Variants in MN1 observed in about 807,000 individuals in gnomAD.
MN1 encodes the protein MN1 proto-oncogene, transcriptional regulator, also known as transcriptional activator MN1.
In MN1, 19 loss-of-function variants were observed where a neutral mutation model predicts 86.9. That is an observed-to-expected ratio of 0.22 (90% confidence interval 0.15 to 0.32). The LOEUF (loss-of-function observed/expected upper bound fraction) is 0.32, where lower values mean the gene tolerates loss of function less well. Among genes scored for constraint, MN1 ranks in the 10% least tolerant of loss-of-function variants. The probability of loss-of-function intolerance (pLI) is 1.00; values close to 1 mark genes in which losing one functional copy is unlikely to be tolerated. For missense variants in MN1, 1,841 were observed against 1,862.0 expected, an observed-to-expected ratio of 0.99 and a Z score of 0.21; for synonymous variants, 928 against 849.6, an observed-to-expected ratio of 1.09 and a Z score of -1.60.
chr22:27,769,590 TCACCCAGGC>T (rs1932898008), intron 1 of MN1, among the ~76,000 whole-genome samples: 2 of 94,624 alleles, frequency 2.1e-5, no homozygotes, highest in African/African-American at 8.9e-5. Flanking sequence ...TCTCGCTCTG[TCACCCAGGC>T]TGGAGTGCAG....
chr22:27,780,854 A>C (rs1323223470), intron 1 of MN1, among the ~76,000 whole-genome samples: 1 of 152,222 alleles, frequency 6.6e-6, no homozygotes, highest in East Asian at 1.9e-4. Context: ...CATGTGGTTA[A>C]GTGCTTGGGA....
chr22:27,765,694 G>T (rs1932864544), intron 1 of MN1, among the ~76,000 whole-genome samples: 1 of 152,162 alleles, frequency 6.6e-6, no homozygotes, highest in Non-Finnish European at 1.5e-5. Context: ...CACTGACCCG[G>T]GTCTGGCCCA....
rs752404759 is a variant in MN1 at position 27,750,999 on chromosome 22, C to T, written c.3879G>A (p.Lys1293=). 2 of 1,613,088 alleles carry T rather than the reference C, an allele frequency of 1.2e-6. No individual in the cohort carries two copies. The highest frequency in any genetic ancestry group is 3.3e-5 in the Admixed American group (2 of 59,800). Residue 1293 remains lysine, a synonymous_variant, in exon 2 of 2, where the codon AAG becomes AAA. Coordinates refer to ENST00000302326, the MANE Select transcript of MN1 (RefSeq NM_002430.3). ...VHCTDDVGDA[K]ARASVPTWRS... ...GCCAGGTGGGCACGGAGGCTCGAGC[C>T]TTGGCGTCACCCACGTCGTCTGTGC... is the stretch of plus-strand genomic sequence containing the variant.
intron 1 of MN1, among the ~76,000 whole-genome samples, chr22:27,790,431 G>C (rs930672290): frequency 7.2e-5 from 11 of 152,166 alleles, no homozygotes; most frequent in African/African-American, 2.4e-4. Flanking sequence ...CGGGCACAAT[G>C]TGCCAGGATC....
At chr22:27,752,821 C>T (rs1049810651) in intron 1 of MN1, among the ~76,000 whole-genome samples, 1 of 152,288 alleles carries the variant, frequency 6.6e-6, no homozygotes, top group African/African-American at 2.4e-5. Flanking sequence ...GGGTGGGGGG[C>T]TCTGCTCCAG....
intron 1 of MN1, among the ~76,000 whole-genome samples, chr22:27,766,645 G>T (rs1438437916): frequency 6.6e-6 from 1 of 152,178 alleles, no homozygotes; most frequent in Non-Finnish European, 1.5e-5. Context: ...AAGGGCAGAA[G>T]TCACAGCCCC....
chr22:27,765,158 C>T (rs116695686), intron 1 of MN1, among the ~76,000 whole-genome samples: 138 of 152,294 alleles, frequency 9.1e-4, no homozygotes, highest in African/African-American at 2.8e-3. Context: ...TGTGCTGACC[C>T]TTGAACCTGA....
rs2146316010 is a variant in MN1, at chr22:27,797,738, A to G, written c.2806T>C (p.Ser936Pro). 6.2e-7 allele frequency: 1 copy of G among 1,609,180 alleles called. No individual in the cohort carries two copies. The highest frequency in any genetic ancestry group is 8.5e-7 in the Non-Finnish European group (1 of 1,178,730). ...STSGNDGKPVSGGGGRGRGRR... is the reference protein window; with the variant it reads ...STSGNDGKPVPGGGGRGRGRR... The stretch of plus-strand genomic sequence containing the variant: ...CCCCGTCCCCGGCCGCCGCCCCCGG[A>G]GACCGGCTTGCCGTCATTCCCCGAC... The change falls in exon 1 of 2, where the codon TCC (serine) becomes CCC (proline). Residue 936 changes from serine to proline, a missense_variant. Transcript: ENST00000302326.
In MN1 at chr22:27,799,189, T is replaced by C. The variant is rs1279004620; in HGVS notation, c.1355A>G (p.Asn452Ser). The change falls in exon 1 of 2, where the codon AAC (asparagine) becomes AGC (serine). Residue 452 changes from asparagine to serine, a missense_variant. Asn to Ser is a conservative substitution (Grantham distance 46). Coordinates refer to ENST00000302326, the MANE Select transcript of MN1 (RefSeq NM_002430.3). ...GTCGAAGCGCGGCCTCTTGGCCACG[T>C]TCATGTAGGGGGGCGCGTCGAAATG... ...LQHFDAPPYM[N>S]VAKRPRFDFP... 1 of 1,606,800 alleles carries C rather than the reference T, an allele frequency of 6.2e-7. No homozygotes were observed.
At chr22:27,796,727 A>C in intron 1 of MN1, 36 bp downstream of exon 1, 580 of 1,436,180 alleles carry the variant, frequency 4.0e-4, no homozygotes, top group Non-Finnish European at 4.9e-4. Flanking sequence ...GGGGCGGGTC[A>C]CCCGGGAAGT....
At chr22:27,779,785 C>T (rs1933026520) in intron 1 of MN1, among the ~76,000 whole-genome samples, 1 of 152,184 alleles carries the variant, frequency 6.6e-6, no homozygotes, top group Admixed American at 6.5e-5. Context: ...GCCCAGGCCT[C>T]CACACCTCCT....
intron 1 of MN1, among the ~76,000 whole-genome samples, chr22:27,772,401 A>C (rs1396368806): frequency 6.6e-6 from 1 of 152,226 alleles, no homozygotes; most frequent in Non-Finnish European, 1.5e-5. Flanking sequence ...GTTGGGGTGG[A>C]AATAGAGCAG....
At chr22:27,769,400 C>A (rs1197262848) in intron 1 of MN1, among the ~76,000 whole-genome samples, 2 of 151,992 alleles carry the variant, frequency 1.3e-5, no homozygotes, top group African/African-American at 4.8e-5. Context: ...AAAATTCACA[C>A]CCCCAGCCTC....
chr22:27,782,574 G>A (rs1025982840), intron 1 of MN1, among the ~76,000 whole-genome samples: 2 of 152,198 alleles, frequency 1.3e-5, no homozygotes, highest in African/African-American at 2.4e-5. Context: ...GTAAAATCTG[G>A]TGCTGGCATA....
chr22:27,783,440 G>A (rs1377695700), intron 1 of MN1, among the ~76,000 whole-genome samples: 5 of 152,128 alleles, frequency 3.3e-5, no homozygotes, highest in African/African-American at 4.8e-5. Flanking sequence ...CCCTGTCATG[G>A]TGCTTTTTAA....
chr22:27,764,659 G>A (rs957728856), intron 1 of MN1, among the ~76,000 whole-genome samples: 1 of 152,204 alleles, frequency 6.6e-6, no homozygotes, highest in Non-Finnish European at 1.5e-5. Context: ...TAATCTGTCT[G>A]TGTCTTGGTT....
At position 27,797,561 on chromosome 22, in the gene MN1, G is replaced by A. The variant is rs1383826053; in HGVS notation, c.2983C>T (p.Arg995Cys). The A allele has an allele frequency of 1.2e-6, 2 of 1,607,006 alleles. No individual in the cohort carries two copies. The highest frequency in any genetic ancestry group is 1.3e-5 in the African/African-American group (1 of 74,828). Residue 995 changes from arginine (R) to cysteine (C), a missense_variant, in exon 1 of 2, where the codon CGC (arginine) becomes TGC (cysteine). By Grantham distance (180) the Arg-to-Cys change is radical. Transcript: ENST00000302326. ...TTTTCGTGGGGCGTCGGTGCCCCGCGCGTCTCGCCTGCGGAGCTTCCCCCG... is the reference window on the plus strand; with the variant it reads ...TTTTCGTGGGGCGTCGGTGCCCCGCACGTCTCGCCTGCGGAGCTTCCCCCG... ...AVGGSSAGET[R>C]GAPTPHEKAL... is the part of the protein sequence containing the mutation.
intron 1 of MN1, among the ~76,000 whole-genome samples, chr22:27,782,368 T>A (rs539589207): frequency 6.6e-6 from 1 of 152,320 alleles, no homozygotes; most frequent in African/African-American, 2.4e-5. Flanking sequence ...AAGTCCCCAG[T>A]GCCAGGCCCG....
At chr22:27,752,589 C>A (rs1932775337) in intron 1 of MN1, among the ~76,000 whole-genome samples, 1 of 152,196 alleles carries the variant, frequency 6.6e-6, no homozygotes, top group African/African-American at 2.4e-5. Flanking sequence ...TAGACCAAAG[C>A]AGGGAATTTG....
Sources: gnomAD v4.1 joint callset for allele counts (sites outside exome capture counted in the v4.1 genomes callset) on GRCh38, gnomAD v4.1.1 for gene constraint, MANE v1.5 for transcripts, NCBI Gene and HGNC (gene_info 2026-07-23, HGNC 2026-07-21) for gene names.